VPS18: variants seen among roughly 807,000 people sequenced by gnomAD.
The protein encoded by VPS18 is VPS18 core subunit of CORVET and HOPS complexes.
A neutral mutation model predicts 82.0 loss-of-function variants in VPS18; 25 were observed. The observed-to-expected ratio is 0.30, with a 90% confidence interval of 0.22 to 0.43. The LOEUF (loss-of-function observed/expected upper bound fraction) is 0.43. Among genes scored for constraint, VPS18 ranks in the 20% least tolerant of loss-of-function variants. VPS18 has a pLI of 1.00. For missense variants in VPS18, 1,168 were observed against 1,311.1 expected, an observed-to-expected ratio of 0.89 and a Z score of 1.69; for synonymous variants, 523 against 543.0, an observed-to-expected ratio of 0.96 and a Z score of 0.51.
chr15:40,901,180 AC>A (rs1254505086), intron 4 of VPS18, among the ~76,000 whole-genome samples, 166 bp downstream of exon 4: 1 of 152,242 alleles, frequency 6.6e-6, no homozygotes, highest in Non-Finnish European at 1.5e-5. Flanking sequence ...TGGCTATGCC[AC>A]TTACTAAGCT....
intron 1 of VPS18, 71 bp from the exon 2 acceptor site, chr15:40,895,867 T>G: frequency 6.3e-7 from 1 of 1,598,102 alleles, no homozygotes; most frequent in African/African-American, 1.3e-5. Flanking sequence ...CACTGTGGTG[T>G]TTTTTCTGCC....
intron 2 of VPS18, among the ~76,000 whole-genome samples, chr15:40,896,669 G>A (rs1193286195): frequency 6.6e-6 from 1 of 151,762 alleles, no homozygotes; most frequent in East Asian, 1.9e-4. Context: ...AAGTTAGCCG[G>A]GCGTGGTGGC....
intron 1 of VPS18, 121 bp from the exon 2 acceptor site, chr15:40,895,817 G>A: frequency 7.4e-7 from 1 of 1,356,286 alleles, no homozygotes; most frequent in Non-Finnish European, 1.0e-6. Context: ...TGTTAACCAA[G>A]GTCCTGGGGA....
At chr15:40,898,872 C>T (rs780758382) in intron 2 of VPS18, 35 bp from the exon 3 acceptor site, 2 of 1,597,884 alleles carry the variant, frequency 1.3e-6, no homozygotes, top group South Asian at 2.2e-5. Flanking sequence ...AGGATCTTCC[C>T]TTCTCTAAAG....
In VPS18 at chr15:40,900,727, G is replaced by A. The variant is rs762921478; in HGVS notation, c.1909G>A (p.Gly637Ser). ...IPALVNYSQG[G>S]EVQQVSQAIR... ...TGCCCTGGTGAACTACAGCCAGGGT[G>A]GTGAGGTCCAGCAGGTGAGCCAGGC... is the stretch of plus-strand genomic sequence containing the variant. Residue 637 changes from glycine to serine, a missense_variant, in exon 4 of 5, where the codon GGT (glycine) becomes AGT (serine). Physicochemically the swap from Gly to Ser is moderately conservative, Grantham distance 56. Transcript: ENST00000220509. This position sits in a 1 kb window ranked among gnomAD's most constrained non-coding sequence, Gnocchi z 5.4. 6.2e-7 allele frequency: 1 copy of A among 1,614,076 alleles called. No individual in the cohort carries two copies. The highest frequency in any genetic ancestry group is 1.3e-5 in the African/African-American group (1 of 74,934).
rs1313227678 is a variant in VPS18 at position 40,900,875 on chromosome 15, C to T, written c.2057C>T (p.Ala686Val). The change falls in exon 4 of 5, where the codon GCT becomes GTT. Residue 686 changes from alanine (A) to valine (V), a missense_variant. By Grantham distance (64) the Ala-to-Val change is moderately conservative. Transcript: ENST00000220509. This position sits in a 1 kb window ranked among gnomAD's most constrained non-coding sequence, Gnocchi z 5.4. Reference sequence around the variant, plus strand: ...TCACTACTGGCCTATCTGGAGCAGGCTGGGGCCAGCCCCCACCGGGTGCAT... The same window carrying T: ...TCACTACTGGCCTATCTGGAGCAGGTTGGGGCCAGCCCCCACCGGGTGCAT... Reference protein sequence around the residue: ...PDSLLAYLEQAGASPHRVHYD... With the variant: ...PDSLLAYLEQVGASPHRVHYD... 2 of 1,614,108 alleles carry T rather than the reference C, an allele frequency of 1.2e-6. No homozygotes were observed. The highest frequency in any genetic ancestry group is 4.5e-5 in the East Asian group (2 of 44,886).
Position 40,902,116 on chromosome 15 carries a change from C to CTTTCT in VPS18, c.2197-497_2197-496insCTTTT, listed in dbSNP as rs1555391435. On this transcript the variant is annotated intron_variant, in intron 4 of 4. Transcript: ENST00000220509. This position sits in a 1 kb window ranked among gnomAD's most constrained non-coding sequence, Gnocchi z 4.2. ...GATTTCTTTCTTTCTTTCTTTCTTT[C>CTTTCT]TTTTTTTTTTTTTTGAGACGGAGTC... 8.0e-6 allele frequency among the ~76,000 whole-genome samples: 1 copy of CTTTCT among 124,254 alleles called. No homozygotes were observed. The highest frequency in any genetic ancestry group is 3.6e-5 in the African/African-American group (1 of 27,896). 81.5% of individuals were successfully genotyped at this position (124,254 alleles called of 152,430 possible). A position where few individuals can be genotyped will look rare whatever the true frequency, so the allele number is the denominator to read the frequency against.
Position 40,900,892 on chromosome 15 carries a change from C to T in VPS18, c.2074C>T (p.Arg692Trp), listed in dbSNP as rs373083980. The T allele has an allele frequency of 2.6e-5, 42 of 1,613,958 alleles. No individual in the cohort carries two copies. The highest frequency in any genetic ancestry group is 1.6e-4 in the Middle Eastern group (1 of 6,082). ...GGAGCAGGCTGGGGCCAGCCCCCAC[C>T]GGGTGCATTACGACCTCAAGTATGC... ...YLEQAGASPH[R>W]VHYDLKYALR... Residue 692 changes from arginine (R) to tryptophan (W), a missense_variant, in exon 4 of 5, where the codon CGG becomes TGG. Arg to Trp is a moderately radical substitution (Grantham distance 101). This residue lies in a region of VPS18 where 868 missense variants were observed against 939.8 expected (regional missense o/e 0.92). Coordinates refer to ENST00000220509, the MANE Select transcript of VPS18 (RefSeq NM_020857.3). This position sits in a 1 kb window ranked among gnomAD's most constrained non-coding sequence, Gnocchi z 5.4.
chr15:40,903,401 G>A lies in VPS18; in HGVS notation c.*60G>A. 6.6e-7 allele frequency: 1 copy of A among 1,508,458 alleles called. No homozygotes were observed. Among genetic ancestry groups the A allele is most frequent in the South Asian group, 1.3e-5 (1 of 74,214 alleles). 93.4% of individuals were successfully genotyped at this position (1,508,458 alleles called of 1,614,324 possible). On this transcript the variant is annotated 3_prime_UTR_variant, in exon 5 of 5. Coordinates refer to ENST00000220509, the MANE Select transcript of VPS18 (RefSeq NM_020857.3). ...GGAGCAGTGGCTTGAACCCACTTGA[G>A]AAGGCTGCCTCCTAGGCTCTGCTCA... is the stretch of plus-strand genomic sequence containing the variant.
At position 40,899,855 on chromosome 15, in the gene VPS18, T is replaced by C; in HGVS notation, c.1037T>C (p.Val346Ala). 2.5e-6 allele frequency: 4 copies of C among 1,608,724 alleles called. No individual in the cohort carries two copies. The highest frequency in any genetic ancestry group is 3.4e-6 in the Non-Finnish European group (4 of 1,179,990). ...LLLLADRVEA[V>A]CTLTGQVVLR... ...CTACTGGCAGACCGGGTGGAGGCAG[T>C]GTGCACACTGACCGGGCAGGTGGTG... is the stretch of plus-strand genomic sequence containing the variant. Residue 346 changes from valine (V) to alanine (A), a missense_variant, in exon 4 of 5, where the codon GTG (valine) becomes GCG (alanine). Around this residue, in one of 3 missense-constraint regions of VPS18, gnomAD observed 868 missense variants for 939.8 expected, o/e 0.92. Transcript: ENST00000220509. The surrounding 1 kb of genome is among the most constrained non-coding windows in gnomAD (Gnocchi z 4.4).
chr15:40,896,710 C>G (rs1892236161), intron 2 of VPS18, among the ~76,000 whole-genome samples: 1 of 151,054 alleles, frequency 6.6e-6, no homozygotes, highest in African/African-American at 2.4e-5. Flanking sequence ...ACTGGGGAGG[C>G]TGAGGCAGGA....
At chr15:40,897,351 AAGTT>A (rs1892247330) in intron 2 of VPS18, among the ~76,000 whole-genome samples, 2 of 152,152 alleles carry the variant, frequency 1.3e-5, no homozygotes, top group African/African-American at 4.8e-5. Flanking sequence ...AAAACAAAAA[AAGTT>A]AGAGCTATAT....
At position 40,894,812 on chromosome 15, in the gene VPS18, C is replaced by T. The variant is rs1307464180; in HGVS notation, c.44C>T (p.Ser15Leu). 3 of 1,555,102 alleles carry T rather than the reference C, an allele frequency of 1.9e-6. No individual in the cohort carries two copies. Among genetic ancestry groups the T allele is most frequent in the East Asian group, 2.4e-5 (1 of 41,302 alleles). Residue 15 changes from serine to leucine, a missense_variant, in exon 1 of 5, where the codon TCG (serine) becomes TTG (leucine). By Grantham distance (145) the Ser-to-Leu change is moderately radical. This residue lies in a region of VPS18 where 868 missense variants were observed against 939.8 expected (regional missense o/e 0.92). Transcript: ENST00000220509. Reference sequence around the variant, plus strand: ...GAGTACGAGAACTCGCTGTCCCGCTCGGCCGTCTTGCAGCCCGGCTGCCCT... The same window carrying T: ...GAGTACGAGAACTCGCTGTCCCGCTTGGCCGTCTTGCAGCCCGGCTGCCCT... The part of the protein sequence containing the change: ...LDEYENSLSR[S>L]AVLQPGCPSV...
intron 2 of VPS18, 155 bp from the exon 3 acceptor site, chr15:40,898,752 C>A (rs903370185): frequency 1.6e-4 from 131 of 817,056 alleles, no homozygotes; most frequent in Admixed American, 6.4e-4. Context: ...GGATTACAGG[C>A]TGAGCCAGTG....
At chr15:40,898,245 C>T (rs1210539092) in intron 2 of VPS18, among the ~76,000 whole-genome samples, 3 of 150,428 alleles carry the variant, frequency 2.0e-5, no homozygotes, top group South Asian at 2.1e-4. Context: ...TGAGCCACCG[C>T]GCCCGGCCTT....
chr15:40,895,801 A>G (rs1892220099), intron 1 of VPS18, 137 bp from the exon 2 acceptor site: 1 of 1,218,708 alleles, frequency 8.2e-7, no homozygotes, highest in Admixed American at 2.2e-5. Context: ...TTGATATCAA[A>G]CTATTTGTTA....
In VPS18 at chr15:40,900,892, C is replaced by G. The variant is rs373083980; in HGVS notation, c.2074C>G (p.Arg692Gly). Residue 692 changes from arginine (R) to glycine (G), a missense_variant, in exon 4 of 5, where the codon CGG becomes GGG. This residue lies in a region of VPS18 where 868 missense variants were observed against 939.8 expected (regional missense o/e 0.92). Transcript: ENST00000220509. The surrounding 1 kb of genome is among the most constrained non-coding windows in gnomAD (Gnocchi z 5.4). ...YLEQAGASPHRVHYDLKYALR... is the reference protein window; with the variant it reads ...YLEQAGASPHGVHYDLKYALR... The stretch of plus-strand genomic sequence containing the variant: ...GGAGCAGGCTGGGGCCAGCCCCCAC[C>G]GGGTGCATTACGACCTCAAGTATGC... The G allele has an allele frequency of 3.3e-5, 54 of 1,613,958 alleles. No individual in the cohort carries two copies. The Admixed American group carries it at 8.5e-4, about 25-fold the overall frequency.
rs1261829420 is a variant in VPS18 at position 40,902,523 on chromosome 15, G to A, written c.2197-93G>A. Reference sequence around the variant, plus strand: ...TGCTTCCAGGAGTGCTGGGAATCCTGCCTCGGGGCCTCTCCTCGGCCATCT... The same window carrying A: ...TGCTTCCAGGAGTGCTGGGAATCCTACCTCGGGGCCTCTCCTCGGCCATCT... On this transcript the variant is annotated intron_variant, in intron 4 of 4. Coordinates refer to ENST00000220509, the MANE Select transcript of VPS18 (RefSeq NM_020857.3). The surrounding 1 kb of genome is among the most constrained non-coding windows in gnomAD (Gnocchi z 4.2). The A allele has an allele frequency of 2.0e-6, 3 of 1,488,456 alleles. No homozygotes were observed. In the Admixed American group the frequency reaches 6.8e-5, roughly 34 times the overall value. The allele number at this position is 1,488,456 out of a possible 1,614,324, so 92.2% of individuals were successfully genotyped here.
Position 40,894,523 on chromosome 15 carries a change from C to T in VPS18, c.-246C>T. 1 of 387,020 alleles carries T rather than the reference C, an allele frequency of 2.6e-6. No homozygotes were observed. The highest frequency in any genetic ancestry group is 4.6e-6 in the Non-Finnish European group (1 of 217,104). The allele number at this position is 387,020 out of a possible 1,614,324, so 24.0% of individuals were successfully genotyped here. ...AAGGGAGCCTGTGATTTTTTTGTAG[C>T]GGGGGCGGGGAGTAAGGTGCAAGAC... is the stretch of plus-strand genomic sequence containing the variant. On this transcript the variant is annotated 5_prime_UTR_variant, in exon 1 of 5. Coordinates refer to ENST00000220509, the MANE Select transcript of VPS18 (RefSeq NM_020857.3).
Sources: gnomAD v4.1 joint callset for allele counts (sites outside exome capture counted in the v4.1 genomes callset) on GRCh38, gnomAD v4.1.1 for gene constraint, gnomAD v4.1.1 regional missense constraint, Gnocchi (gnomAD v3.1) non-coding constraint, MANE v1.5 for transcripts, NCBI Gene and HGNC (gene_info 2026-07-23, HGNC 2026-07-21) for gene names.